Variants in PSMA3 observed in about 807,000 individuals in gnomAD.
PSMA3 encodes the protein proteasome 20S subunit alpha 3, also known as proteasome subunit alpha type-3.
A neutral mutation model predicts 40.0 loss-of-function variants in PSMA3; 8 were observed. The ratio of observed to expected loss-of-function variants is 0.20; its 90% confidence interval spans 0.12 to 0.36. The LOEUF (loss-of-function observed/expected upper bound fraction) is 0.36. PSMA3 is among the 10% of genes least tolerant of loss of function. PSMA3 has a pLI of 1.00. For missense variants in PSMA3, 219 were observed against 310.6 expected (o/e 0.70, Z 2.22); for synonymous variants, 110 against 100.0 (o/e 1.10, Z -0.59).
At chr14:58,253,682 C>T (rs1197595168) in intron 3 of PSMA3, among the ~76,000 whole-genome samples, 1 of 152,160 alleles carries the variant, frequency 6.6e-6, no homozygotes, top group Non-Finnish European at 1.5e-5. Flanking sequence ...CAACCTCTGC[C>T]TCCCGGGTTC....
At chr14:58,265,404 G>T (rs747562558) in intron 7 of PSMA3, 11 of 152,174 alleles carry the variant, frequency 7.2e-5, no homozygotes, top group Non-Finnish European at 1.6e-4. Context: ...AACACTTTCA[G>T]TTTGTGACAA....
At chr14:58,247,588 A>T (rs2140077641) in intron 1 of PSMA3, among the ~76,000 whole-genome samples, 162 bp from the exon 2 acceptor site, 1 of 152,314 alleles carries the variant, frequency 6.6e-6, no homozygotes, top group African/African-American at 2.4e-5. Flanking sequence ...GCTTTATCTT[A>T]GCTACTGTTG....
intron 8 of PSMA3, among the ~76,000 whole-genome samples, chr14:58,268,398 A>G (rs138365592): frequency 3.3e-5 from 5 of 152,264 alleles, no homozygotes; most frequent in Non-Finnish European, 7.4e-5. Flanking sequence ...AATGGGCTCT[A>G]TTGTTTAATA....
chr14:58,263,005 T>TG (rs1405577098), intron 6 of PSMA3, among the ~76,000 whole-genome samples: 1 of 143,668 alleles, frequency 7.0e-6, no homozygotes, highest in Non-Finnish European at 1.5e-5. Context: ...TTTTTTTTGA[T>TG]GGAGTCTCAC....
chr14:58,260,593 T>C (rs1890253909), intron 5 of PSMA3, among the ~76,000 whole-genome samples: 1 of 152,226 alleles, frequency 6.6e-6, no homozygotes, highest in Admixed American at 6.5e-5. Context: ...GGATTCAGTA[T>C]ACTCTCCGTC....
chr14:58,267,447 G>A (rs1249032058), intron 7 of PSMA3, 27 bp from the exon 8 acceptor site: 1 of 1,502,314 alleles, frequency 6.7e-7, no homozygotes, highest in African/African-American at 1.4e-5. Context: ...TTCTTCTGAT[G>A]AACAGTATAC....
rs976197348 is a variant in PSMA3 at position 58,244,853 on chromosome 14, G to C, written c.-68G>C. The C allele has an allele frequency of 4.4e-6, 7 of 1,609,098 alleles. No homozygotes were observed. In the African/African-American group the frequency reaches 5.3e-5, roughly 12 times the overall value. On this transcript the variant is annotated 5_prime_UTR_variant, in exon 1 of 11. Coordinates refer to ENST00000216455, the MANE Select transcript of PSMA3 (RefSeq NM_002788.4). The stretch of plus-strand genomic sequence containing the variant: ...ATGAGCGGGCCTGTTACTAGTTTGC[G>C]GCATCCTGTGGTATAGGGGAAGCGC...
At chr14:58,252,088 TA>T in intron 2 of PSMA3, 30 bp from the exon 3 acceptor site, 1 of 1,566,416 alleles carries the variant, frequency 6.4e-7, no homozygotes, top group Non-Finnish European at 8.6e-7. Context: ...TATTTTCAGT[TA>T]AAAAACTGAT....
rs368774277 is a variant in PSMA3, at chr14:58,267,429, G to T, written c.544-45G>T. 406 of 1,435,026 alleles carry T rather than the reference G, an allele frequency of 2.8e-4. 2 individuals carry two copies. The highest frequency in any genetic ancestry group is 3.5e-4 in the Non-Finnish European group (382 of 1,092,194). 88.9% of individuals were successfully genotyped at this position (1,435,026 alleles called of 1,614,324 possible). A position where few individuals can be genotyped will look rare whatever the true frequency, so the allele number is the denominator to read the frequency against. ...AAGTGAAAATAGTTATTACACAAGT[G>T]GAAAATGTTCTTCTGATGAACAGTA... On this transcript the variant is annotated intron_variant, in intron 7 of 10. Transcript: ENST00000216455.
At chr14:58,246,012 A>C (rs1266109506) in intron 1 of PSMA3, among the ~76,000 whole-genome samples, 1 of 152,356 alleles carries the variant, frequency 6.6e-6, no homozygotes, top group East Asian at 1.9e-4. Context: ...ATAGTATTTC[A>C]TTCTACAAAC....
chr14:58,259,125 T>C (rs986329771), intron 5 of PSMA3, among the ~76,000 whole-genome samples: 3 of 151,792 alleles, frequency 2.0e-5, no homozygotes, highest in Non-Finnish European at 4.4e-5. Context: ...AGAGACGGGG[T>C]CTCACCATGC....
intron 1 of PSMA3, chr14:58,245,460 A>T (rs1889859884): frequency 6.5e-6 from 1 of 153,200 alleles, no homozygotes. Context: ...CAGAACTAAT[A>T]AAAATGGTCT....
chr14:58,264,071 G>A (rs1309912024), intron 7 of PSMA3, among the ~76,000 whole-genome samples: 1 of 152,180 alleles, frequency 6.6e-6, no homozygotes, highest in Non-Finnish European at 1.5e-5. Flanking sequence ...GAATGGGAAA[G>A]CTGGTAACAT....
Position 58,260,872 on chromosome 14 carries a change from GC to G in PSMA3, c.405-75del, listed in dbSNP as rs796698507. 2.6e-5 allele frequency: 28 copies of G among 1,058,164 alleles called. 1 individual carries two copies. The African/African-American group carries it at 3.7e-4, about 14-fold the overall frequency. The allele number at this position is 1,058,164 out of a possible 1,614,324, so 65.5% of individuals were successfully genotyped here. A position where few individuals can be genotyped will look rare whatever the true frequency, so the allele number is the denominator to read the frequency against. ...TTTATCTCAGAAAGAAAATATAACTGCATTTTAAAATAATTTTTTCACAAAT... is the reference window on the plus strand; with the variant it reads ...TTTATCTCAGAAAGAAAATATAACTGATTTTAAAATAATTTTTTCACAAAT... On this transcript the variant is annotated intron_variant, in intron 5 of 10. Transcript: ENST00000216455.
chr14:58,261,463 G>A (rs1227300966), intron 6 of PSMA3, among the ~76,000 whole-genome samples: 1 of 152,104 alleles, frequency 6.6e-6, no homozygotes, highest in Non-Finnish European at 1.5e-5. Flanking sequence ...ACAGGTGTGA[G>A]CCACCAGGCC....
At chr14:58,270,814 G>C (rs148275109) in intron 9 of PSMA3, 120 bp from the exon 10 acceptor site, 61 of 896,232 alleles carry the variant, frequency 6.8e-5, no homozygotes, top group Middle Eastern at 7.0e-4. Flanking sequence ...ATTACTCATA[G>C]TACAACTTTG....
chr14:58,270,591 A>G, intron 9 of PSMA3, 106 bp downstream of exon 9: 2 of 1,546,136 alleles, frequency 1.3e-6, no homozygotes, highest in Non-Finnish European at 1.7e-6. Flanking sequence ...CAAATTTACT[A>G]GGTTGTCTAA....
At chr14:58,271,799 G>A in intron 10 of PSMA3, 52 bp from the exon 11 acceptor site, 4 of 1,336,840 alleles carry the variant, frequency 3.0e-6, no homozygotes, top group Non-Finnish European at 4.3e-6. Flanking sequence ...CCACAGGTGT[G>A]GGATATAACA....
intron 3 of PSMA3, among the ~76,000 whole-genome samples, chr14:58,256,446 G>A (rs1470952748): frequency 7.4e-6 from 1 of 135,860 alleles, no homozygotes; most frequent in African/African-American, 2.8e-5. Context: ...ATGGAGTCTC[G>A]CTCTGTTGCC....
Sources: allele counts gnomAD v4.1 joint callset (sites outside exome capture counted in the v4.1 genomes callset), GRCh38; gene constraint gnomAD v4.1.1; transcripts MANE v1.5; gene names NCBI Gene and HGNC (gene_info 2026-07-23, HGNC 2026-07-21).